The following UVRAG variants were observed in gnomAD, a reference collection of about 807,000 sequenced individuals.
The protein encoded by UVRAG is UV radiation resistance-associated gene protein.
Under a neutral mutation model 78.0 loss-of-function variants are expected in UVRAG, and 19 were observed. The ratio of observed to expected loss-of-function variants is 0.24; its 90% CI spans 0.17 to 0.36. The LOEUF (loss-of-function observed/expected upper bound fraction) is 0.36, where lower values mean the gene tolerates loss of function less well. Ranked by LOEUF, UVRAG falls within the 10% of genes least tolerant of loss-of-function variation. The pLI, the probability that UVRAG is intolerant of heterozygous loss-of-function variation, is 1.00. For synonymous variants in UVRAG, 323 were observed against 324.6 expected, an observed-to-expected ratio of 1.00 and a Z score of 0.05; for missense variants, 740 against 853.8, an observed-to-expected ratio of 0.87 and a Z score of 1.66.
At chr11:75,819,953 A>G (rs1442112038) in intron 1 of UVRAG, among the ~76,000 whole-genome samples, 1 of 152,064 alleles carries the variant, frequency 6.6e-6, no homozygotes. Flanking sequence ...GGGCGACAAG[A>G]GCGAAACTGT....
intron 7 of UVRAG, among the ~76,000 whole-genome samples, chr11:75,979,279 G>T (rs546664075): frequency 1.3e-5 from 2 of 152,174 alleles, no homozygotes; most frequent in African/African-American, 4.8e-5. Flanking sequence ...GGTGTCAGTC[G>T]GCCCCTGCTG....
At chr11:76,009,661 T>C (rs774438733) in intron 11 of UVRAG, among the ~76,000 whole-genome samples, 2 of 152,200 alleles carry the variant, frequency 1.3e-5, no homozygotes, top group Non-Finnish European at 2.9e-5. Flanking sequence ...GCTGTTGTTA[T>C]TGGTGATCAT....
chr11:76,088,823 C>T (rs1316070870), intron 13 of UVRAG, among the ~76,000 whole-genome samples: 1 of 152,172 alleles, frequency 6.6e-6, no homozygotes, highest in African/African-American at 2.4e-5. Context: ...TTCTATTCTT[C>T]CTGCTCACCT....
chr11:75,835,937 A>AT (rs967347090), intron 1 of UVRAG, among the ~76,000 whole-genome samples: 7 of 151,962 alleles, frequency 4.6e-5, no homozygotes, highest in Non-Finnish European at 8.8e-5. Context: ...ACTTAAAAAA[A>AT]ATATATACAA....
intron 8 of UVRAG, among the ~76,000 whole-genome samples, chr11:75,994,642 C>T (rs923476025): frequency 2.0e-4 from 30 of 152,116 alleles, no homozygotes; most frequent in African/African-American, 7.0e-4. Flanking sequence ...CTTCTTTTCC[C>T]AAATGAGGAA....
At chr11:75,995,323 A>G (rs1324786264) in intron 8 of UVRAG, among the ~76,000 whole-genome samples, 6 of 152,046 alleles carry the variant, frequency 3.9e-5, no homozygotes, top group African/African-American at 1.4e-4. Context: ...ATTAAGAGCA[A>G]AAACAAACAC....
At chr11:75,834,082 G>C (rs536862935) in intron 1 of UVRAG, among the ~76,000 whole-genome samples, 59 of 152,256 alleles carry the variant, frequency 3.9e-4, no homozygotes, top group African/African-American at 1.4e-3. Context: ...TTTAATCTAA[G>C]GTTCATCAGT....
In UVRAG at chr11:75,963,033, C is replaced by T. The variant is rs554984208; in HGVS notation, c.699+1484C>T. 8.5e-5 allele frequency among the ~76,000 whole-genome samples: 13 copies of T among 152,216 alleles called. No individual in the cohort carries two copies. In the East Asian group the frequency reaches 1.9e-3, roughly 23 times the overall value. ...AAAATCATTGGATTTTTGAACTGAACGTGAACCTAGAAATCATCTGGTTCC... is the reference window on the plus strand; with the variant it reads ...AAAATCATTGGATTTTTGAACTGAATGTGAACCTAGAAATCATCTGGTTCC... On this transcript the variant is annotated intron_variant, in intron 7 of 14. Transcript: ENST00000356136.
rs139211344 is a variant in UVRAG, at chr11:76,112,887, C to T, written c.1306-3037C>T. On this transcript the variant is annotated intron_variant, in intron 13 of 14. Transcript: ENST00000356136. ...GACCATAGGCAAGCACCACCATGCC[C>T]GGATAATTTTTTGTACTTTTGGTAG... is the stretch of plus-strand genomic sequence containing the variant. Among the ~76,000 whole-genome samples the T allele has an allele frequency of 2.8e-3, 426 of 151,996 alleles. 6 individuals carry two copies. The highest frequency in any genetic ancestry group is 9.7e-3 in the African/African-American group (404 of 41,452).
At chr11:75,825,655 T>G (rs1009391008) in intron 1 of UVRAG, among the ~76,000 whole-genome samples, 5 of 152,090 alleles carry the variant, frequency 3.3e-5, no homozygotes, top group Non-Finnish European at 7.4e-5. Context: ...CCCTCTGAGG[T>G]GAAGCTATTT....
At chr11:76,068,864 T>C (rs1228472098) in intron 13 of UVRAG, among the ~76,000 whole-genome samples, 4 of 152,232 alleles carry the variant, frequency 2.6e-5, no homozygotes, top group African/African-American at 9.6e-5. Context: ...AAAGGGGAGT[T>C]TGTCTTCTCA....
At chr11:75,817,243 A>G (rs900317465) in intron 1 of UVRAG, among the ~76,000 whole-genome samples, 1 of 152,226 alleles carries the variant, frequency 6.6e-6, no homozygotes, top group African/African-American at 2.4e-5. Context: ...TAAGGAGTTC[A>G]GGGGCCAAGA....
chr11:75,878,872 C>A (rs537555310), intron 3 of UVRAG, among the ~76,000 whole-genome samples: 16 of 102,282 alleles, frequency 1.6e-4, no homozygotes, highest in African/African-American at 6.0e-4. Context: ...AGAGAGAGAC[C>A]GTGGGGAGAC....
chr11:75,936,763 G>A (rs1054741838), intron 6 of UVRAG, among the ~76,000 whole-genome samples: 1 of 152,174 alleles, frequency 6.6e-6, no homozygotes. Context: ...AAAACCCACT[G>A]TTGATTGACT....
intron 5 of UVRAG, among the ~76,000 whole-genome samples, chr11:75,907,898 T>C (rs917843513): frequency 6.6e-6 from 1 of 152,058 alleles, no homozygotes; most frequent in African/African-American, 2.4e-5. Flanking sequence ...TTTAAAAAAT[T>C]TTTTTTGTGG....
intron 7 of UVRAG, among the ~76,000 whole-genome samples, chr11:75,968,491 C>T (rs1949066639): frequency 6.6e-6 from 1 of 152,160 alleles, no homozygotes; most frequent in Admixed American, 6.5e-5. Context: ...TTGGAGCCAA[C>T]AATTCTGGTT....
rs561631861 is a variant in UVRAG, at chr11:75,875,631, T to G, written c.271-4248T>G. Among the ~76,000 whole-genome samples the G allele has an allele frequency of 7.3e-5, 11 of 150,946 alleles. No individual in the cohort carries two copies. In the East Asian group the frequency reaches 2.1e-3, roughly 29 times the overall value. ...TGTTTTTAAACCTTTTTTTTTTTTT[T>G]CATATTGGTCTTTTTATCTCTGCTG... is the stretch of plus-strand genomic sequence containing the variant. On this transcript the variant is annotated intron_variant, in intron 3 of 14. Coordinates refer to ENST00000356136, the MANE Select transcript of UVRAG (RefSeq NM_003369.4).
At chr11:76,086,619 C>G (rs746724480) in intron 13 of UVRAG, among the ~76,000 whole-genome samples, 4 of 152,152 alleles carry the variant, frequency 2.6e-5, no homozygotes, top group Non-Finnish European at 5.9e-5. Flanking sequence ...TAAAGTGCCT[C>G]AAGAGTCAGC....
At position 76,129,937 on chromosome 11, in the gene UVRAG, T is replaced by G. The variant is rs368145625; in HGVS notation, c.1398-10774T>G. ...CTCACTCTCACACTCTCTCTCGCTC[T>G]CTCTCTCTCTCGCTTTCTCTCTCTC... On this transcript the variant is annotated intron_variant, in intron 14 of 14. Coordinates refer to ENST00000356136, the MANE Select transcript of UVRAG (RefSeq NM_003369.4). Among the ~76,000 whole-genome samples, 3 of 150,888 alleles carry G rather than the reference T, an allele frequency of 2.0e-5. No individual in the cohort carries two copies. In the East Asian group the frequency reaches 5.8e-4, roughly 29 times the overall value.
Sources: gnomAD v4.1 joint callset for allele counts (sites outside exome capture counted in the v4.1 genomes callset) on GRCh38, gnomAD v4.1.1 for gene constraint, MANE v1.5 for transcripts, NCBI Gene and HGNC (gene_info 2026-07-23, HGNC 2026-07-21) for gene names.